AKAP12: variants seen among roughly 807,000 people sequenced by gnomAD.
AKAP12 encodes the protein A-kinase anchor protein 12.
AKAP12 carries 32 observed loss-of-function variants against 79.9 expected under a neutral mutation model. That is an observed-to-expected ratio of 0.40 (90% CI 0.30 to 0.54). The LOEUF is 0.54. Ranked by LOEUF, AKAP12 falls within the 20% of genes least tolerant of loss-of-function variation. The pLI is 0.48. For missense variants in AKAP12, 2,074 were observed against 2,177.0 expected (o/e 0.95, Z 0.94); for synonymous variants, 808 against 857.0 (o/e 0.94, Z 1.00).
chr6:151,270,117 C>T (rs373655942), intron 2 of AKAP12, among the ~76,000 whole-genome samples: 49 of 152,218 alleles, frequency 3.2e-4, no homozygotes, highest in African/African-American at 9.6e-4. Context: ...AGTGCAGTGG[C>T]GAGATCTTGG....
At position 151,358,323 on chromosome 6, in the gene AKAP12, A is replaced by T. The variant is rs1214692002; in HGVS notation, c.*2609A>T. ...TGTTCCCCCTCAGGTTATTTTGCTT[A>T]TGGTACCCATGAGTTGCCTCTCTCT... On this transcript the variant is annotated 3_prime_UTR_variant, in exon 5 of 5. Transcript: ENST00000402676. 1 of 152,206 alleles carries T rather than the reference A, an allele frequency of 6.6e-6. No individual in the cohort carries two copies. The highest frequency in any genetic ancestry group is 6.5e-5 in the Admixed American group (1 of 15,270). The allele number at this position is 152,206 out of a possible 1,614,324, so 9.4% of individuals were successfully genotyped here.
At position 151,351,229 on chromosome 6, in the gene AKAP12, A is replaced by AC. The variant is rs767490652; in HGVS notation, c.2844dup (p.Thr949HisfsTer4). The AC allele has an allele frequency of 1.9e-6, 3 of 1,613,998 alleles. No homozygotes were observed. Among genetic ancestry groups the AC allele is most frequent in the South Asian group, 1.1e-5 (1 of 91,078 alleles). On this transcript the variant is annotated frameshift_variant, in exon 4 of 5. Coordinates refer to ENST00000402676, the MANE Select transcript of AKAP12 (RefSeq NM_005100.4). LOFTEE classifies it high-confidence loss of function. This position sits in a 1 kb window ranked among gnomAD's most constrained non-coding sequence, Gnocchi z 4.4. ...AAAGAGAAGTAATTGCAGAAGAAGA[A>AC]CCCCCCACGGTTACTGAACCTCTGC...
chr6:151,324,097 A>C, intron 3 of AKAP12: 1 of 985,422 alleles, frequency 1.0e-6, no homozygotes, highest in Non-Finnish European at 1.2e-6. Context: ...GATGGTCAGT[A>C]CCAGCAGCAT....
At chr6:151,282,903 C>G (rs958514054) in intron 2 of AKAP12, among the ~76,000 whole-genome samples, 2 of 152,212 alleles carry the variant, frequency 1.3e-5, no homozygotes, top group South Asian at 4.1e-4. Context: ...TCTTCATCTT[C>G]ATGGAGTTTA....
chr6:151,297,660 T>TAGCC (rs2114744951), intron 2 of AKAP12, among the ~76,000 whole-genome samples: 1 of 152,098 alleles, frequency 6.6e-6, no homozygotes, highest in South Asian at 2.1e-4. Context: ...ATGTTACGTG[T>TAGCC]AGCCGTACCC....
At chr6:151,252,248 G>A (rs1315448151) in intron 2 of AKAP12, among the ~76,000 whole-genome samples, 1 of 151,322 alleles carries the variant, frequency 6.6e-6, no homozygotes, top group African/African-American at 2.4e-5. Flanking sequence ...ACTCAGGCTG[G>A]AGTGCAGCAG....
At chr6:151,336,142 C>T (rs891243837) in intron 3 of AKAP12, among the ~76,000 whole-genome samples, 2 of 152,152 alleles carry the variant, frequency 1.3e-5, no homozygotes, top group African/African-American at 4.8e-5. Context: ...TGTATATGGA[C>T]CACATTTTCT....
In AKAP12 at chr6:151,353,466, T is replaced by G. The variant is rs1386214198; in HGVS notation, c.5075T>G (p.Leu1692Arg). ...TTAGCAGAAAGAATAGAGAAGTCAC[T>G]AGTTGAACCGAAAGAAGATGAAAAA... is the stretch of plus-strand genomic sequence containing the variant. ...ALLAERIEKS[L>R]VEPKEDEKGD... The change falls in exon 4 of 5, where the codon CTA becomes CGA. Residue 1692 changes from leucine (L) to arginine (R), a missense_variant. Leu to Arg is a moderately radical substitution (Grantham distance 102, BLOSUM62 -2). This residue lies in a region of AKAP12 where 614 missense variants were observed against 665.6 expected (regional missense o/e 0.92). Coordinates refer to ENST00000402676, the MANE Select transcript of AKAP12 (RefSeq NM_005100.4). The G allele has an allele frequency of 9.3e-6, 15 of 1,614,118 alleles. No homozygotes were observed. Among genetic ancestry groups the G allele is most frequent in the Non-Finnish European group, 1.3e-5 (15 of 1,180,020 alleles).
chr6:151,249,430 T>G (rs1324425942), intron 2 of AKAP12, among the ~76,000 whole-genome samples: 1 of 152,238 alleles, frequency 6.6e-6, no homozygotes, highest in South Asian at 2.1e-4. Context: ...TCCTCTTGCC[T>G]TGGCCTCCCA....
chr6:151,250,650 G>A, intron 2 of AKAP12, among the ~76,000 whole-genome samples: 1 of 149,474 alleles, frequency 6.7e-6, no homozygotes. Context: ...CTGTTGCCCA[G>A]GCTGGAGTGC....
chr6:151,348,346 T>C, intron 3 of AKAP12: 1 of 457,120 alleles, frequency 2.2e-6, no homozygotes, highest in Non-Finnish European at 4.4e-6. Flanking sequence ...AAAAAAAAGT[T>C]AATTTTCTTG....
At chr6:151,272,574 C>T (rs906777293) in intron 2 of AKAP12, among the ~76,000 whole-genome samples, 1 of 152,030 alleles carries the variant, frequency 6.6e-6, no homozygotes, top group Non-Finnish European at 1.5e-5. Context: ...GGCTGGAGTG[C>T]AGTTGTATGA....
intron 3 of AKAP12, among the ~76,000 whole-genome samples, chr6:151,315,463 A>G (rs1777213736): frequency 1.3e-5 from 2 of 152,208 alleles, no homozygotes; most frequent in South Asian, 4.1e-4. Context: ...CCCACCCTCT[A>G]ATATCATCAC....
In AKAP12 at chr6:151,253,425, G is replaced by A. The variant is rs894158776; in HGVS notation, c.162+12701G>A. ...TTTAAAATAAAAAGAGACAGGTCTT[G>A]CTGTGTTGCCCAGGCTGGTCTCGAA... is the stretch of plus-strand genomic sequence containing the variant. On this transcript the variant is annotated intron_variant, in intron 2 of 4. Coordinates refer to ENST00000402676, the MANE Select transcript of AKAP12 (RefSeq NM_005100.4). Among the ~76,000 whole-genome samples, 5 of 152,030 alleles carry A rather than the reference G, an allele frequency of 3.3e-5. No individual in the cohort carries two copies. The South Asian group carries it at 1.0e-3, about 32-fold the overall frequency.
chr6:151,351,305 AC>A lies in AKAP12; in HGVS notation c.2919del (p.Glu974LysfsTer3). On this transcript the variant is annotated frameshift_variant, in exon 4 of 5. Coordinates refer to ENST00000402676, the MANE Select transcript of AKAP12 (RefSeq NM_005100.4). LOFTEE classifies it high-confidence loss of function. This position sits in a 1 kb window ranked among gnomAD's most constrained non-coding sequence, Gnocchi z 4.4. ...CACGGTCGTTAGTGAGGCGGAATTG[AC>A]CCCCGAAGCTGTGACAGCTGCAGAA... ...GDTVVSEAEL[T>X]PEAVTAAETA... 1 of 1,614,058 alleles carries A rather than the reference AC, an allele frequency of 6.2e-7. No individual in the cohort carries two copies. Among genetic ancestry groups the A allele is most frequent in the Non-Finnish European group, 8.5e-7 (1 of 1,180,024 alleles).
intron 2 of AKAP12, among the ~76,000 whole-genome samples, chr6:151,295,006 T>A (rs80297052): frequency 0.018 from 2,672 of 152,322 alleles, 35 homozygotes; most frequent in Middle Eastern, 0.027. Flanking sequence ...TAACTCTGTC[T>A]GCGTCAGAGT....
At chr6:151,261,733 TTTTATTTATTTATTTATTTATTTATTTA>T (rs59211098) in intron 2 of AKAP12, among the ~76,000 whole-genome samples, 1 of 143,954 alleles carries the variant, frequency 6.9e-6, no homozygotes, top group Admixed American at 7.1e-5. Context: ...GTTTTTATTA[TTTTATTTATTTATTTATTTATTTATTTA>T]TTTATTTATT....
intron 3 of AKAP12, among the ~76,000 whole-genome samples, chr6:151,326,858 C>T (rs1049577254): frequency 1.3e-5 from 2 of 151,848 alleles, no homozygotes; most frequent in Admixed American, 1.3e-4. Context: ...TGCTCTTTCG[C>T]CAGACTGAAG....
chr6:151,351,091 G>A lies in AKAP12; in HGVS notation c.2700G>A (p.Thr900=), dbSNP rs772778007. The A allele has an allele frequency of 3.1e-6, 5 of 1,614,208 alleles. No individual in the cohort carries two copies. Among genetic ancestry groups the A allele is most frequent in the Non-Finnish European group, 4.2e-6 (5 of 1,180,048 alleles). The change falls in exon 4 of 5, where the codon ACG becomes ACA. Residue 900 remains threonine (T), a synonymous_variant. Coordinates refer to ENST00000402676, the MANE Select transcript of AKAP12 (RefSeq NM_005100.4). The surrounding 1 kb of genome is among the most constrained non-coding windows in gnomAD (Gnocchi z 4.4). The stretch of plus-strand genomic sequence containing the variant: ...TGGCAGCAGCTGTCGCTGACGGGAC[G>A]AGGGCAGCTACCATTATTGAAGAAA... ...HMMAAAVADG[T]RAATIIEERS... is the part of the protein sequence containing the mutation.
Sources: allele counts gnomAD v4.1 joint callset (sites outside exome capture counted in the v4.1 genomes callset), GRCh38; gene constraint gnomAD v4.1.1; regional missense constraint gnomAD v4.1.1; non-coding constraint Gnocchi (gnomAD v3.1); transcripts MANE v1.5; gene names NCBI Gene and HGNC (gene_info 2026-07-23, HGNC 2026-07-21).